Variants in CLASP2 observed in about 807,000 individuals in gnomAD.
The protein encoded by CLASP2 is cytoplasmic linker associated protein 2.
A neutral mutation model predicts 194.4 loss-of-function variants in CLASP2; 47 were observed. That is an observed-to-expected ratio of 0.24 (90% CI 0.19 to 0.31). CLASP2 has a LOEUF of 0.31. CLASP2 is among the 10% of genes least tolerant of loss of function. The pLI is 1.00. For synonymous variants in CLASP2, 619 were observed against 633.5 expected, an observed-to-expected ratio of 0.98 and a Z score of 0.34; for missense variants, 1,445 against 1,823.6, an observed-to-expected ratio of 0.79 and a Z score of 3.78.
chr3:33,641,232 A>T (rs1019524626), intron 8 of CLASP2, among the ~76,000 whole-genome samples: 1 of 152,006 alleles, frequency 6.6e-6, no homozygotes, highest in Admixed American at 6.5e-5. Flanking sequence ...TACCTAAAAT[A>T]CTGTAAAGAT....
intron 1 of CLASP2, among the ~76,000 whole-genome samples, chr3:33,701,413 T>C (rs2092364291): frequency 1.3e-5 from 2 of 152,192 alleles, no homozygotes; most frequent in South Asian, 4.1e-4. Flanking sequence ...CTGGGCAACA[T>C]AGCGAGAACC....
At chr3:33,610,796 C>A (rs781135744) in intron 13 of CLASP2, among the ~76,000 whole-genome samples, 4 of 152,146 alleles carry the variant, frequency 2.6e-5, no homozygotes, top group Non-Finnish European at 4.4e-5. Context: ...GTTTGCTGAC[C>A]CCTGACATAA....
At chr3:33,687,163 G>T (rs1385151332) in intron 4 of CLASP2, 28 bp from the exon 5 acceptor site, 1 of 1,453,304 alleles carries the variant, frequency 6.9e-7, no homozygotes, top group Non-Finnish European at 9.3e-7. Context: ...AAAAAATAAA[G>T]AAAATTTGTT....
intron 38 of CLASP2, among the ~76,000 whole-genome samples, chr3:33,501,190 T>C (rs768312542): frequency 7.2e-5 from 11 of 152,142 alleles, no homozygotes; most frequent in African/African-American, 1.2e-4. Context: ...ATTTGGATAA[T>C]AGAAAGAGAA....
At chr3:33,656,971 C>T (rs1351180478) in intron 7 of CLASP2, among the ~76,000 whole-genome samples, 1 of 152,096 alleles carries the variant, frequency 6.6e-6, no homozygotes, top group Admixed American at 6.5e-5. Flanking sequence ...TAGAAAAAGA[C>T]ATGCTACGTA....
intron 2 of CLASP2, 85 bp from the exon 3 acceptor site, chr3:33,690,017 T>C (rs1397187781): frequency 4.9e-6 from 4 of 818,866 alleles, no homozygotes; most frequent in Non-Finnish European, 5.3e-6. Flanking sequence ...CAAATAGCAA[T>C]TGTTTCCATA....
At chr3:33,597,302 C>A (rs1165953883) in intron 18 of CLASP2, among the ~76,000 whole-genome samples, 2 of 152,212 alleles carry the variant, frequency 1.3e-5, no homozygotes, top group African/African-American at 4.8e-5. Flanking sequence ...GTCATGCATA[C>A]TGGCACTACT....
At chr3:33,610,109 T>C (rs898303600) in intron 13 of CLASP2, among the ~76,000 whole-genome samples, 6 of 152,208 alleles carry the variant, frequency 3.9e-5, no homozygotes, top group Non-Finnish European at 8.8e-5. Flanking sequence ...ACAGTTCTAG[T>C]TCAGACTCTG....
chr3:33,561,805 T>C (rs1260967236), intron 27 of CLASP2, among the ~76,000 whole-genome samples: 2 of 152,016 alleles, frequency 1.3e-5, no homozygotes, highest in South Asian at 2.1e-4. Flanking sequence ...GTCAACACCA[T>C]AATGGAAAAT....
chr3:33,632,357 CT>C lies in CLASP2; in HGVS notation c.876del (p.Gly293GlufsTer12). On this transcript the variant is annotated frameshift_variant, in exon 9 of 39. Transcript: ENST00000682230. LOFTEE classifies it high-confidence loss of function. ...GGPKVGGASKEGGAGAVDEDD... is the reference protein window; with the variant it reads ...GGPKVGGASKXGGAGAVDEDD... ...TCTTCATCAACTGCTCCAGCACCTCCTTCCTTAGAAGCACCTGCTAATTAAA... is the reference window on the plus strand; with the variant it reads ...TCTTCATCAACTGCTCCAGCACCTCCTCCTTAGAAGCACCTGCTAATTAAA... 6.2e-7 allele frequency: 1 copy of C among 1,600,934 alleles called. No individual in the cohort carries two copies.
chr3:33,677,268 G>T (rs578119851), intron 6 of CLASP2, among the ~76,000 whole-genome samples: 2 of 151,564 alleles, frequency 1.3e-5, no homozygotes, highest in Non-Finnish European at 2.9e-5. Flanking sequence ...TGTTTATTGC[G>T]GCATTATTCA....
intron 26 of CLASP2, among the ~76,000 whole-genome samples, chr3:33,568,791 A>G (rs2063249521): frequency 6.6e-6 from 1 of 152,122 alleles, no homozygotes; most frequent in Non-Finnish European, 1.5e-5. Flanking sequence ...TTGCATTCAG[A>G]AAGAAGATAT....
At chr3:33,673,224 A>T (rs1303395412) in intron 6 of CLASP2, among the ~76,000 whole-genome samples, 4 of 151,932 alleles carry the variant, frequency 2.6e-5, no homozygotes, top group African/African-American at 7.3e-5. Context: ...GGGAAGCCCA[A>T]CAGACTAACA....
rs201541782 is a variant in CLASP2 at position 33,625,563 on chromosome 3, C to CT, written c.1035+1424dup. On this transcript the variant is annotated intron_variant, in intron 10 of 38. Coordinates refer to ENST00000682230, the MANE Select transcript of CLASP2 (RefSeq NM_001365631.1). ...GTAATGTATCAAGTATGATCTCTCT[C>CT]TTTTTTTTTTTTTGGTTTACAAAAA... is the stretch of plus-strand genomic sequence containing the variant. Among the ~76,000 whole-genome samples, 454 of 139,098 alleles carry CT rather than the reference C, an allele frequency of 3.3e-3. 1 individual carries two copies. The highest frequency in any genetic ancestry group is 0.016 in the Admixed American group (216 of 13,818). The allele number at this position is 139,098 out of a possible 152,430, so 91.3% of individuals were successfully genotyped here. A position where few individuals can be genotyped will look rare whatever the true frequency, so the allele number is the denominator to read the frequency against.
intron 17 of CLASP2, among the ~76,000 whole-genome samples, chr3:33,603,535 A>T (rs2072878911): frequency 6.6e-6 from 1 of 152,232 alleles, no homozygotes; most frequent in Non-Finnish European, 1.5e-5. Flanking sequence ...TAGAGATATT[A>T]AAAAATTAAT....
At chr3:33,594,995 T>C (rs1330514463) in intron 19 of CLASP2, 27 bp from the exon 20 acceptor site, 32 of 1,410,682 alleles carry the variant, frequency 2.3e-5, no homozygotes, top group Non-Finnish European at 2.9e-5. Flanking sequence ...AAACAACATT[T>C]CAACAAATTC....
intron 7 of CLASP2, among the ~76,000 whole-genome samples, chr3:33,661,534 A>T (rs1575387432): frequency 6.6e-6 from 1 of 152,354 alleles, no homozygotes; most frequent in Non-Finnish European, 1.5e-5. Flanking sequence ...AGAATAGGAA[A>T]TCAAGTCAGG....
At chr3:33,673,179 G>A (rs1486950466) in intron 6 of CLASP2, among the ~76,000 whole-genome samples, 3 of 152,178 alleles carry the variant, frequency 2.0e-5, no homozygotes, top group Admixed American at 1.3e-4. Context: ...AAAATGTTAA[G>A]GGCAGCCAGA....
intron 13 of CLASP2, among the ~76,000 whole-genome samples, chr3:33,609,005 C>T (rs1379813646): frequency 2.0e-5 from 3 of 151,994 alleles, no homozygotes; most frequent in Admixed American, 1.3e-4. Flanking sequence ...TAAGGCTGGG[C>T]GTTGTGGTTC....
Sources: gnomAD v4.1 joint callset for allele counts (sites outside exome capture counted in the v4.1 genomes callset) on GRCh38, gnomAD v4.1.1 for gene constraint, MANE v1.5 for transcripts, NCBI Gene and HGNC (gene_info 2026-07-23, HGNC 2026-07-21) for gene names.